TSC22D3: variants seen among roughly 807,000 people sequenced by gnomAD.
TSC22D3 encodes TSC22 domain family member 3.
Under a neutral mutation model 11.1 loss-of-function variants are expected in TSC22D3, and 4 were observed. The ratio of observed to expected loss-of-function variants is 0.36; its 90% CI spans 0.18 to 0.83. The LOEUF (loss-of-function observed/expected upper bound fraction) is 0.83, where lower values mean the gene tolerates loss of function less well. Among genes scored for constraint, TSC22D3 ranks in the 40% least tolerant of loss-of-function variants. The pLI is 0.48. For synonymous variants in TSC22D3, 77 were observed against 70.3 expected, an observed-to-expected ratio of 1.10 and a Z score of -0.48; for missense variants, 118 against 159.4, an observed-to-expected ratio of 0.74 and a Z score of 1.40.
chrX:107,729,204 T>C (rs1927775599), intron 1 of TSC22D3, among the ~76,000 whole-genome samples: 1 of 111,955 alleles, frequency 8.9e-6, no homozygotes, highest in Admixed American at 9.4e-5. Context: ...TGCTTGCTCA[T>C]CAAAACATCC....
At chrX:107,724,523 G>T (rs1253909595) in intron 1 of TSC22D3, among the ~76,000 whole-genome samples, 1 of 113,340 alleles carries the variant, frequency 8.8e-6, no homozygotes, top group Non-Finnish European at 1.9e-5. Flanking sequence ...TGGGGCATCC[G>T]CCCCCCTTCC....
chrX:107,738,878 T>C (rs1928264635), intron 1 of TSC22D3, among the ~76,000 whole-genome samples: 1 of 111,269 alleles, frequency 9.0e-6, no homozygotes. Context: ...TGAGTGGCAT[T>C]GTCAGAGCCG....
chrX:107,714,823 T>C, intron 2 of TSC22D3, 74 bp from the exon 3 acceptor site: 2 of 1,017,553 alleles, frequency 2.0e-6, no homozygotes, highest in Non-Finnish European at 2.7e-6. Context: ...TGCTCTGTCA[T>C]TGGTGTGCCT....
In TSC22D3 at chrX:107,714,413, G is replaced by T; in HGVS notation, c.*106C>A. The stretch of plus-strand genomic sequence containing the variant: ...CATCTCTTGGCACCAGCTGTGCTAG[G>T]TGTAAAGTTCTCCTCGTGAGATGAT... On this transcript the variant is annotated 3_prime_UTR_variant, in exon 3 of 3. Transcript: ENST00000372383. 1 of 722,657 alleles carries T rather than the reference G, an allele frequency of 1.4e-6. No individual in the cohort carries two copies. The highest frequency in any genetic ancestry group is 2.0e-6 in the Non-Finnish European group (1 of 499,448). The allele number at this position is 722,657 out of a possible 1,213,427, so 59.6% of individuals were successfully genotyped here.
intron 1 of TSC22D3, 149 bp downstream of exon 1, chrX:107,774,951 C>A: frequency 1.6e-6 from 1 of 638,908 alleles, no homozygotes; most frequent in East Asian, 3.4e-5. Context: ...GTACTCCAGG[C>A]AACCTCAAGG....
intron 1 of TSC22D3, among the ~76,000 whole-genome samples, chrX:107,770,727 G>C (rs1290299408): frequency 8.9e-6 from 1 of 111,782 alleles, no homozygotes; most frequent in South Asian, 3.7e-4. Context: ...AAAAATTTGA[G>C]GTTACAGCAA....
chrX:107,760,545 A>G (rs938790445), intron 1 of TSC22D3, among the ~76,000 whole-genome samples: 7 of 112,278 alleles, frequency 6.2e-5, no homozygotes, highest in African/African-American at 2.3e-4. Flanking sequence ...GGTCAGGCAG[A>G]TGGCTGAGAA....
At chrX:107,746,556 G>A (rs1296225231) in intron 1 of TSC22D3, among the ~76,000 whole-genome samples, 1 of 110,711 alleles carries the variant, frequency 9.0e-6, no homozygotes, top group Non-Finnish European at 1.9e-5. Flanking sequence ...ACACACAGAA[G>A]AACACCAACC....
rs1411290120 is a variant in TSC22D3, at chrX:107,714,492, C to G, written c.*27G>C. The G allele has an allele frequency of 5.1e-6, 6 of 1,177,461 alleles. No homozygotes were observed. Among genetic ancestry groups the G allele is most frequent in the Non-Finnish European group, 6.9e-6 (6 of 872,763 alleles). ...GAACTAGGTAAAACAAGTTTAGTGG[C>G]TCTGCCCACCCTGAGGACAGAGCCA... On this transcript the variant is annotated 3_prime_UTR_variant, in exon 3 of 3. Transcript: ENST00000372383.
At chrX:107,741,820 G>A (rs1322204419) in intron 1 of TSC22D3, among the ~76,000 whole-genome samples, 1 of 111,885 alleles carries the variant, frequency 8.9e-6, no homozygotes, top group African/African-American at 3.3e-5. Flanking sequence ...CAAAGTGCAA[G>A]GCTGCAGGAG....
chrX:107,727,621 G>T (rs1401671948), intron 1 of TSC22D3, among the ~76,000 whole-genome samples: 1 of 111,767 alleles, frequency 8.9e-6, no homozygotes, highest in Admixed American at 9.4e-5. Flanking sequence ...AAAGGGCTAC[G>T]TGAATGTGAT....
chrX:107,769,071 G>A lies in TSC22D3; in HGVS notation c.320+6029C>T, dbSNP rs143615297. 3.3e-4 allele frequency among the ~76,000 whole-genome samples: 37 copies of A among 112,628 alleles called. No individual in the cohort carries two copies. In the East Asian group the frequency reaches 8.9e-3, roughly 27 times the overall value. Reference sequence around the variant, plus strand: ...TGCTCATTTTATGACAGGTTCCTACGTATGTGTTGACTACGAGCAGTAGAC... The same window carrying A: ...TGCTCATTTTATGACAGGTTCCTACATATGTGTTGACTACGAGCAGTAGAC... On this transcript the variant is annotated intron_variant, in intron 1 of 2. Transcript: ENST00000372383.
Position 107,768,961 on chromosome X carries a change from T to G in TSC22D3, c.320+6139A>C. ...GCAGCACCATCACTTTGCCAAACTT[T>G]GTAGCTTTCTCTTCGTTGTAATCAC... On this transcript the variant is annotated intron_variant, in intron 1 of 2. Coordinates refer to ENST00000372383, the MANE Select transcript of TSC22D3 (RefSeq NM_198057.3). Among the ~76,000 whole-genome samples the G allele has an allele frequency of 1.8e-5, 2 of 112,825 alleles. 1 individual carries two copies. Among genetic ancestry groups the G allele is most frequent in the Non-Finnish European group, 3.7e-5 (2 of 53,353 alleles).
intron 1 of TSC22D3, among the ~76,000 whole-genome samples, chrX:107,765,517 A>G (rs1416534013): frequency 8.9e-6 from 1 of 111,987 alleles, no homozygotes; most frequent in Non-Finnish European, 1.9e-5. Flanking sequence ...GGTACTCAAT[A>G]CATAGCAGGC....
chrX:107,716,397 C>A, intron 1 of TSC22D3: 1 of 933,052 alleles, frequency 1.1e-6, no homozygotes, highest in Non-Finnish European at 1.3e-6. Context: ...GCTCGGCCAG[C>A]CCCCTGCCCA....
At chrX:107,755,773 C>T (rs1016621185) in intron 1 of TSC22D3, among the ~76,000 whole-genome samples, 19 of 112,273 alleles carry the variant, frequency 1.7e-4, no homozygotes, top group African/African-American at 6.2e-4. Context: ...AATATTATAA[C>T]CTCTTGACTT....
At chrX:107,772,161 T>C (rs1424435194) in intron 1 of TSC22D3, among the ~76,000 whole-genome samples, 1 of 111,020 alleles carries the variant, frequency 9.0e-6, no homozygotes, top group Non-Finnish European at 1.9e-5. Flanking sequence ...ACAAACCAGA[T>C]GTAAATCAAG....
intron 1 of TSC22D3, among the ~76,000 whole-genome samples, chrX:107,750,719 A>G (rs1193767334): frequency 9.0e-6 from 1 of 111,135 alleles, no homozygotes; most frequent in East Asian, 2.8e-4. Flanking sequence ...AACTGATCAG[A>G]TACCGCAGGT....
At chrX:107,762,344 T>C (rs924413096) in intron 1 of TSC22D3, among the ~76,000 whole-genome samples, 1 of 112,273 alleles carries the variant, frequency 8.9e-6, no homozygotes, top group Admixed American at 9.4e-5. Flanking sequence ...TACCAGCTCC[T>C]CAGTCCATTC....
Sources: allele counts gnomAD v4.1 joint callset (sites outside exome capture counted in the v4.1 genomes callset), GRCh38; gene constraint gnomAD v4.1.1; transcripts MANE v1.5; gene names NCBI Gene and HGNC (gene_info 2026-07-23, HGNC 2026-07-21).